Variants in NTN1 observed in about 807,000 individuals in gnomAD.
NTN1 encodes netrin 1, also known as netrin-1.
In NTN1, 11 loss-of-function variants were observed where a neutral mutation model predicts 54.2. The ratio of observed to expected loss-of-function variants is 0.20; its 90% CI spans 0.13 to 0.34. The LOEUF is 0.34. Among genes scored for constraint, NTN1 ranks in the 10% least tolerant of loss-of-function variants. The pLI, the probability that NTN1 is intolerant of heterozygous loss-of-function variation, is 1.00. For synonymous variants in NTN1, 371 were observed against 382.0 expected (o/e 0.97, Z 0.33); for missense variants, 740 against 893.1 (o/e 0.83, Z 2.18).
rs558241018 is a variant in NTN1 at position 9,243,740 on chromosome 17, T to G, written c.*3772T>G. ...TCCTGTGTTTTGGATTTCTGTTCAC[T>G]CAGAATTGTAAATGTTTAGTTGTGA... On this transcript the variant is annotated 3_prime_UTR_variant, in exon 7 of 7. Coordinates refer to ENST00000173229, the MANE Select transcript of NTN1 (RefSeq NM_004822.3). 1.3e-5 allele frequency: 2 copies of G among 152,388 alleles called. No individual in the cohort carries two copies. The highest frequency in any genetic ancestry group is 4.8e-5 in the African/African-American group (2 of 41,570). 9.4% of individuals were successfully genotyped at this position (152,388 alleles called of 1,614,324 possible).
intron 6 of NTN1, among the ~76,000 whole-genome samples, chr17:9,231,775 C>T (rs994399653): frequency 6.6e-6 from 1 of 150,448 alleles, no homozygotes; most frequent in Non-Finnish European, 1.5e-5. Context: ...ACCTTCCACA[C>T]CAAGCCTTCT....
chr17:9,204,353 G>A (rs536991209), intron 5 of NTN1, among the ~76,000 whole-genome samples: 6 of 151,384 alleles, frequency 4.0e-5, no homozygotes, highest in African/African-American at 1.5e-4. Context: ...GAGTGCAGTG[G>A]CGCCATGTCA....
intron 6 of NTN1, among the ~76,000 whole-genome samples, chr17:9,228,719 C>T (rs1465281048): frequency 6.6e-6 from 1 of 152,178 alleles, no homozygotes; most frequent in African/African-American, 2.4e-5. Context: ...GACGATTTGT[C>T]TCAAGTATTC....
intron 2 of NTN1, among the ~76,000 whole-genome samples, chr17:9,114,166 A>AATATATATATAT (rs34188198): frequency 2.1e-4 from 16 of 74,616 alleles, no homozygotes; most frequent in African/African-American, 7.0e-4. Context: ...AAAAAAAAAA[A>AATATATATATAT]ATATATATAT....
chr17:9,143,249 C>T (rs955833507), intron 2 of NTN1, among the ~76,000 whole-genome samples: 2 of 152,150 alleles, frequency 1.3e-5, no homozygotes, highest in Non-Finnish European at 2.9e-5. Flanking sequence ...TGGATGCTGT[C>T]GGATGGCAGC....
At chr17:9,190,199 T>C (rs1440117618) in intron 5 of NTN1, among the ~76,000 whole-genome samples, 1 of 152,056 alleles carries the variant, frequency 6.6e-6, no homozygotes, top group Non-Finnish European at 1.5e-5. Flanking sequence ...AATGTAGCAA[T>C]AAAGTACAGC....
chr17:9,010,534 C>T, the NTN1 span, among the ~76,000 whole-genome samples: 9 of 152,332 alleles, frequency 5.9e-5, no homozygotes, highest in East Asian at 1.5e-3. Context: ...TTAGTGGTCT[C>T]TCATTTTGTT....
intron 5 of NTN1, among the ~76,000 whole-genome samples, chr17:9,189,871 G>C (rs1245961723): frequency 2.0e-5 from 3 of 152,136 alleles, no homozygotes; most frequent in Non-Finnish European, 4.4e-5. Flanking sequence ...GCATGACCAG[G>C]GCCACAGGTG....
At chr17:9,172,416 T>G (rs2092389504) in intron 3 of NTN1, among the ~76,000 whole-genome samples, 1 of 151,820 alleles carries the variant, frequency 6.6e-6, no homozygotes, top group Admixed American at 6.6e-5. Context: ...GAGGCGGAGC[T>G]TGCAGTGAGC....
At chr17:9,195,900 C>T (rs1351119914) in intron 5 of NTN1, among the ~76,000 whole-genome samples, 4 of 152,328 alleles carry the variant, frequency 2.6e-5, no homozygotes, top group African/African-American at 9.6e-5. Context: ...ACAACCATCA[C>T]TGCAATCCTT....
chr17:9,173,485 T>C (rs2092392715), intron 3 of NTN1: 1 of 152,398 alleles, frequency 6.6e-6, no homozygotes, highest in South Asian at 2.1e-4. Flanking sequence ...TGGACTGTCC[T>C]CACTGCACCA....
intron 2 of NTN1, among the ~76,000 whole-genome samples, chr17:9,034,891 G>C (rs542849794): frequency 6.6e-6 from 1 of 152,136 alleles, no homozygotes; most frequent in Non-Finnish European, 1.5e-5. Context: ...CGTCCACCCA[G>C]TTACCACGCC....
At chr17:9,050,823 T>C (rs1287309587) in intron 2 of NTN1, among the ~76,000 whole-genome samples, 1 of 152,048 alleles carries the variant, frequency 6.6e-6, no homozygotes, top group Non-Finnish European at 1.5e-5. Flanking sequence ...AAATGATGTA[T>C]GTGAGATGCT....
At chr17:9,190,938 A>T (rs1199203363) in intron 5 of NTN1, among the ~76,000 whole-genome samples, 1 of 152,250 alleles carries the variant, frequency 6.6e-6, no homozygotes, top group Non-Finnish European at 1.5e-5. Context: ...CAGTGCAGAA[A>T]AGAATGAATC....
intron 2 of NTN1, among the ~76,000 whole-genome samples, chr17:9,073,474 C>G (rs1387884503): frequency 6.6e-6 from 1 of 152,174 alleles, no homozygotes; most frequent in African/African-American, 2.4e-5. Context: ...GTCTTCAAAG[C>G]CTAACTTCAG....
At chr17:9,149,152 C>T (rs999776889) in intron 2 of NTN1, among the ~76,000 whole-genome samples, 1 of 152,118 alleles carries the variant, frequency 6.6e-6, no homozygotes, top group African/African-American at 2.4e-5. Flanking sequence ...AGCCAGGAGC[C>T]AGGCTTGGCC....
intron 2 of NTN1, among the ~76,000 whole-genome samples, chr17:9,042,020 A>T (rs1186725386): frequency 6.6e-6 from 1 of 151,828 alleles, no homozygotes; most frequent in Non-Finnish European, 1.5e-5. Context: ...AAGAAAAAAA[A>T]AAAAAAGACA....
intron 2 of NTN1, among the ~76,000 whole-genome samples, chr17:9,073,868 G>A (rs769158334): frequency 3.3e-5 from 5 of 152,162 alleles, no homozygotes; most frequent in African/African-American, 2.4e-5. Context: ...CCTCTTTCGC[G>A]CAGTGAGTTC....
chr17:9,194,864 G>A (rs1371528681), intron 5 of NTN1, among the ~76,000 whole-genome samples: 1 of 152,170 alleles, frequency 6.6e-6, no homozygotes, highest in Non-Finnish European at 1.5e-5. Context: ...AGGTCAAACC[G>A]TGCGGAATTG....
Sources: gnomAD v4.1 joint callset for allele counts (sites outside exome capture counted in the v4.1 genomes callset) on GRCh38, gnomAD v4.1.1 for gene constraint, MANE v1.5 for transcripts, NCBI Gene and HGNC (gene_info 2026-07-23, HGNC 2026-07-21) for gene names.